The following ZSCAN5A variants were observed in gnomAD, a reference collection of about 807,000 sequenced individuals.
ZSCAN5A encodes zinc finger and SCAN domain-containing protein 5A.
Under a neutral mutation model 23.7 loss-of-function variants are expected in ZSCAN5A, and 12 were observed. The observed-to-expected ratio is 0.51, with a 90% CI of 0.32 to 0.82. The LOEUF (loss-of-function observed/expected upper bound fraction) is 0.82. ZSCAN5A is among the 40% of genes least tolerant of loss of function. The pLI is 0.03. For missense variants in ZSCAN5A, 597 were observed against 617.9 expected (o/e 0.97, Z 0.36); for synonymous variants, 257 against 239.9 (o/e 1.07, Z -0.66).
chr19:56,250,890 C>T (rs1600096462), intron 2 of ZSCAN5A, among the ~76,000 whole-genome samples: 1 of 152,244 alleles, frequency 6.6e-6, no homozygotes, highest in East Asian at 1.9e-4. Context: ...AACTAAATGA[C>T]CACTGATCCC....
chr19:56,319,122 G>A (rs1201764711), upstream of ZSCAN5A, among the ~76,000 whole-genome samples: 11 of 152,072 alleles, frequency 7.2e-5, no homozygotes, highest in Non-Finnish European at 1.2e-4. Flanking sequence ...TTTTGTTCTT[G>A]GAACGAATTT....
chr19:56,286,192 T>G (rs1241920539), intron 2 of ZSCAN5A, among the ~76,000 whole-genome samples: 1 of 151,974 alleles, frequency 6.6e-6, no homozygotes, highest in Middle Eastern at 3.4e-3. Flanking sequence ...CGGCTAATTT[T>G]TGTATTATTA....
chr19:56,316,941 A>G (rs2041323691), upstream of ZSCAN5A: 1 of 152,224 alleles, frequency 6.6e-6, no homozygotes, highest in East Asian at 1.9e-4. Flanking sequence ...GGCTTAAGCA[A>G]TCCTCCCACC....
In ZSCAN5A at chr19:56,245,870, T is replaced by C. The variant is rs2035848231; in HGVS notation, c.-127-20697A>G. On this transcript the variant is annotated intron_variant, in intron 2 of 5. Coordinates refer to ENST00000683990, the MANE Select transcript of ZSCAN5A (RefSeq NM_001322064.3). Reference sequence around the variant, plus strand: ...CTGGAGATGTGTTTGTGTGTCATTGTAGGGGGTGGTGGGGTGTTGATAGCA... The same window carrying C: ...CTGGAGATGTGTTTGTGTGTCATTGCAGGGGGTGGTGGGGTGTTGATAGCA... 2.0e-5 allele frequency among the ~76,000 whole-genome samples: 3 copies of C among 152,048 alleles called. No individual in the cohort carries two copies. In the South Asian group the frequency reaches 6.2e-4, roughly 32 times the overall value.
At chr19:56,367,982 C>A (rs7409060) in intron 1 of ZSCAN5A, 2,691 of 152,450 alleles carry the variant, frequency 0.018, 36 homozygotes, top group Middle Eastern at 0.057. Flanking sequence ...GCCCTTCCCC[C>A]CCTCTTAAAG....
chr19:56,325,848 G>C (rs764236891), intron 2 of ZSCAN5A, among the ~76,000 whole-genome samples: 8 of 152,078 alleles, frequency 5.3e-5, no homozygotes, highest in Non-Finnish European at 1.0e-4. Flanking sequence ...TATATATTGA[G>C]TGCCTTTTGC....
chr19:56,228,361 C>T, intron 2 of ZSCAN5A: 1 of 985,410 alleles, frequency 1.0e-6, no homozygotes, highest in Non-Finnish European at 1.2e-6. Flanking sequence ...GGCCGCGTTT[C>T]CGGTTCCCTG....
At chr19:56,257,598 A>G (rs2036795929) in intron 2 of ZSCAN5A, among the ~76,000 whole-genome samples, 1 of 141,224 alleles carries the variant, frequency 7.1e-6, no homozygotes, top group Non-Finnish European at 1.5e-5. Flanking sequence ...CCTACCTCCT[A>G]CCACTGCCCA....
chr19:56,343,318 G>T (rs2041609056), intron 2 of ZSCAN5A: 4 of 658,020 alleles, frequency 6.1e-6, no homozygotes, highest in Non-Finnish European at 1.1e-5. Flanking sequence ...TACTGGAGTG[G>T]TGTGCAAAGT....
At chr19:56,299,248 A>G (rs2147235776) in intron 2 of ZSCAN5A, among the ~76,000 whole-genome samples, 1 of 151,962 alleles carries the variant, frequency 6.6e-6, no homozygotes, top group East Asian at 1.9e-4. Context: ...CCTCCCCTCT[A>G]CAGCCTCTGA....
chr19:56,350,099 T>G (rs1167281547), intron 2 of ZSCAN5A, among the ~76,000 whole-genome samples: 2 of 152,232 alleles, frequency 1.3e-5, no homozygotes, highest in Admixed American at 6.5e-5. Flanking sequence ...AAATTCTAAT[T>G]GCTGTAATAT....
At chr19:56,319,971 T>C (rs754361702) in intron 2 of ZSCAN5A, 4 of 1,238,300 alleles carry the variant, frequency 3.2e-6, no homozygotes, top group South Asian at 2.4e-5. Context: ...TCATGGAGTG[T>C]ATTTTCATCC....
chr19:56,227,975 T>C (rs2034112368), intron 2 of ZSCAN5A, among the ~76,000 whole-genome samples: 1 of 152,074 alleles, frequency 6.6e-6, no homozygotes, highest in Non-Finnish European at 1.5e-5. Flanking sequence ...GGCGGATCGC[T>C]TGAGCCCAGG....
At chr19:56,238,058 C>T (rs553260047) in intron 2 of ZSCAN5A, among the ~76,000 whole-genome samples, 111 of 10,032 alleles carry the variant, frequency 0.011, no homozygotes, top group African/African-American at 0.04. Context: ...GCATATGTGT[C>T]TAGTCCCCTA....
At chr19:56,250,625 T>A (rs948321862) in intron 2 of ZSCAN5A, among the ~76,000 whole-genome samples, 1 of 152,182 alleles carries the variant, frequency 6.6e-6, no homozygotes, top group Non-Finnish European at 1.5e-5. Context: ...GTCAGCATCT[T>A]GAGGCCAGTG....
chr19:56,309,244 T>A lies in ZSCAN5A; in HGVS notation c.-128+4039A>T, dbSNP rs1049177133. ...ATGCCATGTATATGAAACAGACAGA[T>A]CTGGCAAATTCAAAGAGACAGAAGG... On this transcript the variant is annotated intron_variant, in intron 2 of 5. Transcript: ENST00000683990. Among the ~76,000 whole-genome samples the A allele has an allele frequency of 2.6e-5, 4 of 152,088 alleles. No individual in the cohort carries two copies. The East Asian group carries it at 7.7e-4, about 29-fold the overall frequency.
intron 2 of ZSCAN5A, among the ~76,000 whole-genome samples, chr19:56,350,180 A>G (rs1408384466): frequency 6.6e-6 from 1 of 152,250 alleles, no homozygotes; most frequent in Non-Finnish European, 1.5e-5. Context: ...TGTTTTGCTT[A>G]TAGCAGGACT....
intron 2 of ZSCAN5A, among the ~76,000 whole-genome samples, chr19:56,291,436 C>T (rs1440828043): frequency 6.6e-6 from 1 of 152,200 alleles, no homozygotes; most frequent in Non-Finnish European, 1.5e-5. Flanking sequence ...CCCAGCCTAT[C>T]GCATTAATCT....
At chr19:56,336,527 G>A (rs1397661671) in intron 2 of ZSCAN5A, among the ~76,000 whole-genome samples, 4 of 151,600 alleles carry the variant, frequency 2.6e-5, no homozygotes, top group Non-Finnish European at 4.4e-5. Context: ...CCATTGGTTC[G>A]AACTTCCTCC....
Sources: allele counts gnomAD v4.1 joint callset (sites outside exome capture counted in the v4.1 genomes callset), GRCh38; gene constraint gnomAD v4.1.1; transcripts MANE v1.5; gene names NCBI Gene and HGNC (gene_info 2026-07-23, HGNC 2026-07-21).